PDE9A: variants seen among roughly 807,000 people sequenced by gnomAD.
PDE9A encodes the protein high affinity cGMP-specific 3',5'-cyclic phosphodiesterase 9A.
In PDE9A, 60 loss-of-function variants were observed where a neutral mutation model predicts 87.4. That is an observed-to-expected ratio of 0.69 (90% confidence interval 0.56 to 0.85). PDE9A has a LOEUF of 0.85. PDE9A is among the 40% of genes least tolerant of loss of function. PDE9A has a pLI of 0.00. For missense variants in PDE9A, 665 were observed against 779.0 expected (o/e 0.85, Z 1.74); for synonymous variants, 272 against 279.4 (o/e 0.97, Z 0.27).
chr21:42,752,468 C>T (rs1045386949), intron 9 of PDE9A, among the ~76,000 whole-genome samples: 3 of 152,188 alleles, frequency 2.0e-5, no homozygotes, highest in South Asian at 2.1e-4. Context: ...GGTGTTTCAC[C>T]GTGTTGGCCA....
At chr21:42,671,049 T>C (rs989836782) in intron 1 of PDE9A, among the ~76,000 whole-genome samples, 14 of 152,214 alleles carry the variant, frequency 9.2e-5, no homozygotes, top group African/African-American at 1.9e-4. Context: ...ACTAATTACA[T>C]TGTGGTTATC....
chr21:42,662,696 C>T, intron 1 of PDE9A, among the ~76,000 whole-genome samples: 1 of 143,976 alleles, frequency 6.9e-6, no homozygotes, highest in South Asian at 2.2e-4. Context: ...CACATGCACA[C>T]ACCATGCACA....
At chr21:42,737,509 G>C (rs925655959) in intron 7 of PDE9A, among the ~76,000 whole-genome samples, 1 of 152,204 alleles carries the variant, frequency 6.6e-6, no homozygotes, top group African/African-American at 2.4e-5. Context: ...GCCCAGGCTA[G>C]AGAGAAGTGG....
rs1252389293 is a variant in PDE9A, at chr21:42,722,293, T to C, written c.263-9477T>C. 6.6e-6 allele frequency among the ~76,000 whole-genome samples: 1 copy of C among 152,200 alleles called. No homozygotes were observed. Among genetic ancestry groups the C allele is most frequent in the Non-Finnish European group, 1.5e-5 (1 of 68,044 alleles). Reference sequence around the variant, plus strand: ...GCCCGTCCAGCAGAGGTATTTTTTCTAATACTTGAGAAGTGTCTGCTAAGT... The same window carrying C: ...GCCCGTCCAGCAGAGGTATTTTTTCCAATACTTGAGAAGTGTCTGCTAAGT... On this transcript the variant is annotated intron_variant, in intron 4 of 19. Transcript: ENST00000291539. This position sits in a 1 kb window ranked among gnomAD's most constrained non-coding sequence, Gnocchi z 4.1.
At chr21:42,663,041 T>C (rs2057698426) in intron 1 of PDE9A, among the ~76,000 whole-genome samples, 1 of 118,656 alleles carries the variant, frequency 8.4e-6, no homozygotes, top group Non-Finnish European at 1.7e-5. Context: ...CACATGCACA[T>C]CACATACATG....
chr21:42,773,259 C>CAAAA (rs10552392), intron 19 of PDE9A, among the ~76,000 whole-genome samples: 1 of 84,244 alleles, frequency 1.2e-5, no homozygotes, highest in African/African-American at 4.5e-5. Context: ...GACTCCATCT[C>CAAAA]AAAAAAAAAA....
rs959205196 is a variant in PDE9A, at chr21:42,753,901, A to G, written c.736-89A>G. The G allele has an allele frequency of 2.7e-5, 18 of 666,948 alleles. No individual in the cohort carries two copies. In the African/African-American group the frequency reaches 3.2e-4, roughly 12 times the overall value. The allele number at this position is 666,948 out of a possible 1,614,324, so 41.3% of individuals were successfully genotyped here. ...AAAGAAAGAAAGAAAAAGAAAGAGAACGGGAGAAAGAGGAGAAATATCTCA... is the reference window on the plus strand; with the variant it reads ...AAAGAAAGAAAGAAAAAGAAAGAGAGCGGGAGAAAGAGGAGAAATATCTCA... On this transcript the variant is annotated intron_variant, in intron 9 of 19. Transcript: ENST00000291539.
chr21:42,692,969 G>A lies in PDE9A; in HGVS notation c.218+4975G>A, dbSNP rs554762526. On this transcript the variant is annotated intron_variant, in intron 3 of 19. Coordinates refer to ENST00000291539, the MANE Select transcript of PDE9A (RefSeq NM_002606.3). The surrounding 1 kb of genome is among the most constrained non-coding windows in gnomAD (Gnocchi z 4.3). ...TGCTGCAGCCATTCCCTCACCACAT[G>A]TCCAGGAGGGAGCCGGCATCCTTTG... Among the ~76,000 whole-genome samples the A allele has an allele frequency of 1.5e-3, 236 of 152,290 alleles. No homozygotes were observed. Among genetic ancestry groups the A allele is most frequent in the African/African-American group, 5.5e-3 (229 of 41,578 alleles).
intron 1 of PDE9A, among the ~76,000 whole-genome samples, chr21:42,670,030 A>G (rs1054488052): frequency 6.8e-6 from 1 of 147,698 alleles, no homozygotes; most frequent in Non-Finnish European, 1.5e-5. Context: ...GGAAAGCACC[A>G]TGTTTCACCT....
chr21:42,688,692 C>T (rs184563506), intron 3 of PDE9A, among the ~76,000 whole-genome samples: 5 of 152,302 alleles, frequency 3.3e-5, no homozygotes, highest in Admixed American at 6.5e-5. Context: ...GGGGGCGGGG[C>T]GTGCGACCTC....
intron 4 of PDE9A, among the ~76,000 whole-genome samples, chr21:42,725,723 C>T (rs1219793116): frequency 6.6e-6 from 1 of 152,184 alleles, no homozygotes; most frequent in African/African-American, 2.4e-5. Flanking sequence ...GGATGGACCA[C>T]GGTTGGTTCA....
chr21:42,689,757 G>A, intron 3 of PDE9A: 1 of 985,410 alleles, frequency 1.0e-6, no homozygotes, highest in South Asian at 4.7e-5. Context: ...CAAATGTCTG[G>A]AAGCTCTCTG....
intron 13 of PDE9A, among the ~76,000 whole-genome samples, chr21:42,761,720 G>C (rs949980207): frequency 2.0e-5 from 3 of 152,216 alleles, no homozygotes; most frequent in Admixed American, 2.0e-4. Flanking sequence ...GGTCAGCAGA[G>C]GCCTTGACCA....
intron 2 of PDE9A, among the ~76,000 whole-genome samples, chr21:42,687,429 C>T (rs1017866469): frequency 2.0e-5 from 3 of 152,166 alleles, no homozygotes; most frequent in Non-Finnish European, 4.4e-5. Context: ...CAGAGATTAA[C>T]TTGGTCGAGG....
intron 8 of PDE9A, among the ~76,000 whole-genome samples, chr21:42,749,567 C>T (rs1287750255): frequency 6.6e-6 from 1 of 152,220 alleles, no homozygotes; most frequent in Non-Finnish European, 1.5e-5. Flanking sequence ...TCACTTTGCC[C>T]TGCTCCTATG....
chr21:42,669,017 C>T (rs2058227956), intron 1 of PDE9A, among the ~76,000 whole-genome samples: 1 of 151,964 alleles, frequency 6.6e-6, no homozygotes, highest in African/African-American at 2.4e-5. Context: ...TGAAGTTTCC[C>T]CCATTGCATA....
At chr21:42,724,957 T>C (rs2050886709) in intron 4 of PDE9A, among the ~76,000 whole-genome samples, 1 of 152,220 alleles carries the variant, frequency 6.6e-6, no homozygotes, top group Admixed American at 6.5e-5. Context: ...ATTCTGTCTA[T>C]ACATTTCTTA....
intron 1 of PDE9A, among the ~76,000 whole-genome samples, chr21:42,669,440 G>A (rs1382693127): frequency 2.6e-5 from 4 of 152,202 alleles, no homozygotes; most frequent in Non-Finnish European, 5.9e-5. Context: ...CTCATGCCAT[G>A]TTAGGCAAAC....
At chr21:42,663,082 C>G (rs2057703911) in intron 1 of PDE9A, among the ~76,000 whole-genome samples, 1 of 149,150 alleles carries the variant, frequency 6.7e-6, no homozygotes, top group Non-Finnish European at 1.5e-5. Flanking sequence ...ATGCACATCA[C>G]ACACAAGAAT....
Sources: allele counts gnomAD v4.1 joint callset (sites outside exome capture counted in the v4.1 genomes callset), GRCh38; gene constraint gnomAD v4.1.1; non-coding constraint Gnocchi (gnomAD v3.1); transcripts MANE v1.5; gene names NCBI Gene and HGNC (gene_info 2026-07-23, HGNC 2026-07-21).